The following ARID4B variants were observed in gnomAD, a reference collection of about 807,000 sequenced individuals.
ARID4B encodes the protein AT-rich interaction domain 4B.
A neutral mutation model predicts 147.5 loss-of-function variants in ARID4B; 26 were observed. The observed-to-expected ratio is 0.18, with a 90% CI of 0.13 to 0.24. The LOEUF (loss-of-function observed/expected upper bound fraction) is 0.24. ARID4B is among the 10% of genes least tolerant of loss of function. ARID4B has a pLI of 1.00. For missense variants in ARID4B, 1,179 were observed against 1,511.5 expected (o/e 0.78, Z 3.65); for synonymous variants, 512 against 507.9 (o/e 1.01, Z -0.11).
rs181605031 is a variant in ARID4B, at chr1:235,279,040, G to C, written c.7-18288C>G. Among the ~76,000 whole-genome samples the C allele has an allele frequency of 2.0e-4, 31 of 152,158 alleles. 1 individual carries two copies. In the East Asian group the frequency reaches 5.6e-3, roughly 27 times the overall value. ...GGTCCACCCACCTCAGCCTCCCAAA[G>C]TGCTGGGATTACAGCAAAGTGCATA... On this transcript the variant is annotated intron_variant, in intron 2 of 23. Transcript: ENST00000264183.
Position 235,168,801 on chromosome 1 carries a change from G to A in ARID4B, c.3812-149C>T, listed in dbSNP as rs562053256. 2.7e-5 allele frequency: 23 copies of A among 848,388 alleles called. No individual in the cohort carries two copies. The South Asian group carries it at 3.7e-4, about 14-fold the overall frequency. The allele number at this position is 848,388 out of a possible 1,614,324, so 52.6% of individuals were successfully genotyped here. On this transcript the variant is annotated intron_variant, in intron 23 of 23. Coordinates refer to ENST00000264183, the MANE Select transcript of ARID4B (RefSeq NM_016374.6). ...CAGTGGTCAATTCTCACAGTTCTAC[G>A]ATGTGAAGAAAGGAAAAGCTAGTGT...
chr1:235,200,305 A>G (rs959251671), intron 17 of ARID4B, among the ~76,000 whole-genome samples: 7 of 152,228 alleles, frequency 4.6e-5, no homozygotes, highest in Non-Finnish European at 8.8e-5. Flanking sequence ...CTGAAAATAC[A>G]AAAATCAGCC....
intron 6 of ARID4B, among the ~76,000 whole-genome samples, chr1:235,251,760 C>A (rs762010299): frequency 2.0e-5 from 3 of 151,880 alleles, no homozygotes; most frequent in Non-Finnish European, 4.4e-5. Context: ...AAAGAAATAG[C>A]TCGGCCACAC....
At chr1:235,255,924 A>G (rs1669954757) in intron 4 of ARID4B, among the ~76,000 whole-genome samples, 174 bp from the exon 5 acceptor site, 1 of 152,124 alleles carries the variant, frequency 6.6e-6, no homozygotes, top group African/African-American at 2.4e-5. Context: ...CTGCAATCCC[A>G]GCACTTTGAG....
chr1:235,202,083 C>T (rs892617610), intron 17 of ARID4B, among the ~76,000 whole-genome samples: 39 of 150,660 alleles, frequency 2.6e-4, no homozygotes, highest in Admixed American at 2.4e-3. Context: ...CTGGCTTTAA[C>T]TGGTCTTAAC....
At chr1:235,208,111 G>C (rs191364955) in intron 17 of ARID4B, among the ~76,000 whole-genome samples, 1 of 152,146 alleles carries the variant, frequency 6.6e-6, no homozygotes. Flanking sequence ...GGAAATGAGC[G>C]AGAAAATTCA....
intron 6 of ARID4B, among the ~76,000 whole-genome samples, chr1:235,249,521 C>A: frequency 6.6e-6 from 1 of 151,976 alleles, no homozygotes; most frequent in East Asian, 1.9e-4. Context: ...TGAGGCTGGG[C>A]GTGGTGGCTC....
chr1:235,327,110 G>A (rs991867350), intron 1 of ARID4B, 142 bp from the exon 2 acceptor site: 4 of 611,146 alleles, frequency 6.5e-6, no homozygotes, highest in South Asian at 3.9e-5. Flanking sequence ...ATCACACGCC[G>A]ACTCGGGGCT....
chr1:235,218,240 A>ACGCATAT (rs559469804), intron 16 of ARID4B, among the ~76,000 whole-genome samples: 67 of 152,338 alleles, frequency 4.4e-4, no homozygotes, highest in African/African-American at 1.5e-3. Context: ...AGTTTGAGGT[A>ACGCATAT]CGCATATACT....
intron 2 of ARID4B, among the ~76,000 whole-genome samples, chr1:235,290,251 TTGGCCAACA>T (rs1672252316): frequency 6.6e-6 from 1 of 151,908 alleles, no homozygotes; most frequent in African/African-American, 2.4e-5. Flanking sequence ...CAAGACCAAC[TTGGCCAACA>T]TGGTGACACC....
intron 8 of ARID4B, among the ~76,000 whole-genome samples, chr1:235,236,833 A>AATAC (rs1553299957): frequency 8.9e-5 from 3 of 33,522 alleles, no homozygotes; most frequent in Admixed American, 5.3e-4. Flanking sequence ...TTTTATAAAA[A>AATAC]ATATATATAT....
At chr1:235,292,886 C>T (rs1336531711) in intron 2 of ARID4B, among the ~76,000 whole-genome samples, 1 of 152,148 alleles carries the variant, frequency 6.6e-6, no homozygotes, top group Non-Finnish European at 1.5e-5. Flanking sequence ...AATATACTGA[C>T]AGAAGAGAAA....
chr1:235,168,888 C>A (rs1396060483), intron 23 of ARID4B, among the ~76,000 whole-genome samples: 1 of 152,154 alleles, frequency 6.6e-6, no homozygotes, highest in African/African-American at 2.4e-5. Context: ...CCAGGGAAGG[C>A]TCCTGCGTGG....
chr1:235,208,241 G>A (rs1024541019), intron 17 of ARID4B, among the ~76,000 whole-genome samples: 1 of 152,040 alleles, frequency 6.6e-6, no homozygotes, highest in Non-Finnish European at 1.5e-5. Flanking sequence ...ACTAGTTTAC[G>A]GCATGTTAAT....
intron 2 of ARID4B, among the ~76,000 whole-genome samples, chr1:235,315,024 C>A (rs1417209138): frequency 6.6e-6 from 1 of 152,118 alleles, no homozygotes; most frequent in Non-Finnish European, 1.5e-5. Flanking sequence ...ATTAATAGAA[C>A]TTTTATATAG....
chr1:235,231,262 T>C (rs1224295714), intron 9 of ARID4B, 73 bp from the exon 10 acceptor site: 5 of 780,516 alleles, frequency 6.4e-6, no homozygotes, highest in Non-Finnish European at 1.0e-5. Context: ...AGAATCCAGA[T>C]GATTACATAT....
At chr1:235,274,993 TTGTGTGTGTGTGTGTG>T (rs72168611) in intron 2 of ARID4B, among the ~76,000 whole-genome samples, 29 of 148,514 alleles carry the variant, frequency 2.0e-4, no homozygotes, top group African/African-American at 7.2e-4. Flanking sequence ...AGGCCTAATT[TTGTGTGTGTGTGTGTG>T]TGTGTGTGTG....
chr1:235,268,884 G>A (rs1365160558), intron 2 of ARID4B, among the ~76,000 whole-genome samples: 2 of 152,170 alleles, frequency 1.3e-5, no homozygotes, highest in Non-Finnish European at 2.9e-5. Flanking sequence ...GAAACATCTT[G>A]TGTCAGAAAG....
At chr1:235,232,999 G>A (rs1178108848) in intron 9 of ARID4B, among the ~76,000 whole-genome samples, 1 of 152,006 alleles carries the variant, frequency 6.6e-6, no homozygotes, top group Non-Finnish European at 1.5e-5. Context: ...CACCATGCCT[G>A]GCTAATTTTT....
Sources: allele counts gnomAD v4.1 joint callset (sites outside exome capture counted in the v4.1 genomes callset), GRCh38; gene constraint gnomAD v4.1.1; transcripts MANE v1.5; gene names NCBI Gene and HGNC (gene_info 2026-07-23, HGNC 2026-07-21).